The following CFAP47 variants were observed in gnomAD, a reference collection of about 807,000 sequenced individuals.
The protein encoded by CFAP47 is cilia- and flagella-associated protein 47.
CFAP47 carries 29 observed loss-of-function variants against 148.1 expected under a neutral mutation model. The observed-to-expected ratio is 0.20, with a 90% CI of 0.15 to 0.27. CFAP47 has a LOEUF of 0.27. Among genes scored for constraint, CFAP47 ranks in the 10% least tolerant of loss-of-function variants. The pLI, the probability that CFAP47 is intolerant of heterozygous loss-of-function variation, is 1.00. For missense variants in CFAP47, 1,872 were observed against 1,697.5 expected (o/e 1.10, Z -1.81); for synonymous variants, 664 against 577.3 (o/e 1.15, Z -2.15).
chrX:35,921,607 G>A (rs766986119), intron 1 of CFAP47, among the ~76,000 whole-genome samples: 2 of 111,522 alleles, frequency 1.8e-5, no homozygotes, highest in Admixed American at 1.9e-4. Context: ...TTATATCTAG[G>A]ATATAATGGA....
intron 56 of CFAP47, among the ~76,000 whole-genome samples, chrX:36,311,749 A>C (rs1556010059): frequency 9.0e-6 from 1 of 111,154 alleles, no homozygotes; most frequent in East Asian, 2.8e-4. Flanking sequence ...CCTATTTTCC[A>C]GAACTGTGTA....
At chrX:36,232,368 C>G (rs1284274344) in intron 46 of CFAP47, among the ~76,000 whole-genome samples, 3 of 111,791 alleles carry the variant, frequency 2.7e-5, no homozygotes, top group Non-Finnish European at 5.7e-5. Context: ...AGGAATTTAT[C>G]CATTTCTTCT....
chrX:35,932,218 TTTTC>T (rs1248085269), intron 2 of CFAP47, among the ~76,000 whole-genome samples: 3 of 108,811 alleles, frequency 2.8e-5, no homozygotes, highest in African/African-American at 6.7e-5. Context: ...CTGGCTAATT[TTTTC>T]TTTCTTTCTT....
At chrX:36,314,947 CA>C (rs1404604284) in intron 56 of CFAP47, among the ~76,000 whole-genome samples, 2 of 111,446 alleles carry the variant, frequency 1.8e-5, no homozygotes, top group Non-Finnish European at 3.8e-5. Context: ...AATTGAGAAG[CA>C]AAGCTCAGAA....
At chrX:36,115,648 T>C (rs777100503) in intron 33 of CFAP47, among the ~76,000 whole-genome samples, 4 of 111,905 alleles carry the variant, frequency 3.6e-5, no homozygotes, top group Admixed American at 9.5e-5. Context: ...TTCCTATGTA[T>C]GGAGGGAGGA....
At chrX:36,002,166 AACAG>A (rs1936922599) in intron 21 of CFAP47, among the ~76,000 whole-genome samples, 1 of 111,265 alleles carries the variant, frequency 9.0e-6, no homozygotes, top group African/African-American at 3.3e-5. Flanking sequence ...AGAGCAAACA[AACAG>A]ACAAAAAACC....
At chrX:36,381,317 T>C (rs1602139774) in intron 63 of CFAP47, among the ~76,000 whole-genome samples, 1 of 111,806 alleles carries the variant, frequency 8.9e-6, no homozygotes, top group East Asian at 2.8e-4. Flanking sequence ...TCTTGTAATT[T>C]CTAGAACATT....
chrX:36,194,287 C>T (rs1939895850), intron 42 of CFAP47, among the ~76,000 whole-genome samples: 1 of 111,185 alleles, frequency 9.0e-6, no homozygotes, highest in African/African-American at 3.3e-5. Context: ...TTGTATTAGT[C>T]CATTCTTGCA....
At chrX:35,961,209 C>T (rs1039691333) in intron 8 of CFAP47, among the ~76,000 whole-genome samples, 3 of 111,759 alleles carry the variant, frequency 2.7e-5, no homozygotes, top group African/African-American at 6.5e-5. Flanking sequence ...ATCTTTTCTA[C>T]GTTTTGCTGG....
At chrX:36,347,575 A>G (rs1796410929) in intron 57 of CFAP47, among the ~76,000 whole-genome samples, 2 of 112,300 alleles carry the variant, frequency 1.8e-5, no homozygotes, top group South Asian at 7.5e-4. Flanking sequence ...TGTGACACAT[A>G]TACACCACGG....
chrX:36,244,729 G>A (rs1338725724), intron 48 of CFAP47, among the ~76,000 whole-genome samples: 1 of 111,200 alleles, frequency 9.0e-6, no homozygotes, highest in Admixed American at 9.6e-5. Context: ...AATTGAATCA[G>A]TAATAAAAAC....
chrX:36,142,520 T>G (rs769506611), intron 35 of CFAP47, among the ~76,000 whole-genome samples: 32 of 111,633 alleles, frequency 2.9e-4, no homozygotes, highest in African/African-American at 1.0e-3. Context: ...ATATGAAATT[T>G]TAGTTTTAAA....
chrX:36,047,517 G>T (rs184953626), intron 26 of CFAP47, among the ~76,000 whole-genome samples: 1 of 112,128 alleles, frequency 8.9e-6, no homozygotes, highest in East Asian at 2.8e-4. Context: ...CTTTAACGGG[G>T]TGAGGAGATT....
chrX:36,356,147 T>A (rs781821407), intron 60 of CFAP47, among the ~76,000 whole-genome samples: 1 of 111,944 alleles, frequency 8.9e-6, no homozygotes, highest in Non-Finnish European at 1.9e-5. Flanking sequence ...ATATACCTTT[T>A]GATATGGCTC....
intron 29 of CFAP47, among the ~76,000 whole-genome samples, chrX:36,078,108 G>A (rs1222231826): frequency 1.8e-5 from 2 of 112,021 alleles, no homozygotes. Flanking sequence ...TTACTGAGGA[G>A]TGCTTTACTT....
intron 48 of CFAP47, among the ~76,000 whole-genome samples, chrX:36,244,124 G>A (rs936834377): frequency 4.5e-5 from 5 of 110,626 alleles, no homozygotes; most frequent in Admixed American, 9.7e-5. Context: ...AATAACTTGC[G>A]CCTGAGTAAC....
intron 32 of CFAP47, among the ~76,000 whole-genome samples, chrX:36,101,505 G>A (rs922019158): frequency 6.3e-5 from 7 of 111,495 alleles, no homozygotes; most frequent in African/African-American, 1.3e-4. Context: ...TCAGAGTAAT[G>A]AGCAATTTCT....
At chrX:35,976,417 T>C (rs1046554662) in intron 15 of CFAP47, among the ~76,000 whole-genome samples, 32 of 112,087 alleles carry the variant, frequency 2.9e-4, no homozygotes, top group African/African-American at 9.1e-4. Flanking sequence ...ATTAACTGAT[T>C]GTGATAATTA....
intron 18 of CFAP47, among the ~76,000 whole-genome samples, chrX:35,996,185 C>A (rs935784169): frequency 2.7e-5 from 3 of 111,070 alleles, no homozygotes; most frequent in Non-Finnish European, 3.8e-5. Context: ...GAGTAAAAGG[C>A]AGCCATAGGG....
Sources: gnomAD v4.1 joint callset for allele counts (sites outside exome capture counted in the v4.1 genomes callset) on GRCh38, gnomAD v4.1.1 for gene constraint, MANE v1.5 for transcripts, NCBI Gene and HGNC (gene_info 2026-07-23, HGNC 2026-07-21) for gene names.